Variants in SMIM18 observed in about 807,000 individuals in gnomAD.
SMIM18 encodes small integral membrane protein 18.
A neutral mutation model predicts 5.9 loss-of-function variants in SMIM18; 4 were observed. The ratio of observed to expected loss-of-function variants is 0.68; its 90% CI spans 0.33 to 1.56. The LOEUF is 1.56. Among genes scored for constraint, SMIM18 ranks in the 40% most tolerant of loss-of-function variants. The pLI, the probability that SMIM18 is intolerant of heterozygous loss-of-function variation, is 0.06. For missense variants in SMIM18, 89 were observed against 109.7 expected, an observed-to-expected ratio of 0.81 and a Z score of 0.84; for synonymous variants, 37 against 37.4, an observed-to-expected ratio of 0.99 and a Z score of 0.04.
chr8:30,643,942 T>C (rs1237295770), intron 1 of SMIM18: 1 of 152,310 alleles, frequency 6.6e-6, no homozygotes, highest in African/African-American at 2.4e-5. Flanking sequence ...TAAACATTTG[T>C]TATAAAAATA....
intron 1 of SMIM18, among the ~76,000 whole-genome samples, chr8:30,643,989 T>C (rs911244026): frequency 1.3e-5 from 2 of 152,228 alleles, no homozygotes; most frequent in Non-Finnish European, 2.9e-5. Context: ...AGGAAAAGCA[T>C]ACAGAATGAC....
chr8:30,638,584 G>A lies in SMIM18; in HGVS notation c.-166G>A, dbSNP rs1206949895. On this transcript the variant is annotated 5_prime_UTR_variant, in exon 1 of 3. Transcript: ENST00000517349. ...ACAGCTCCATCTTGGCTGTGCACTA[G>A]ACTGCATTACAAACAGACGATACCA... The A allele has an allele frequency of 6.6e-6, 1 of 152,578 alleles. No individual in the cohort carries two copies. Among genetic ancestry groups the A allele is most frequent in the African/African-American group, 2.4e-5 (1 of 41,414 alleles). The allele number at this position is 152,578 out of a possible 1,614,324, so 9.5% of individuals were successfully genotyped here.
At chr8:30,644,181 C>G (rs1407380641) in intron 1 of SMIM18, among the ~76,000 whole-genome samples, 2 of 152,170 alleles carry the variant, frequency 1.3e-5, no homozygotes, top group Non-Finnish European at 2.9e-5. Flanking sequence ...TTGATTCTAA[C>G]AGTCCCCATT....
chr8:30,643,230 TCACCATTGGGAGATATATATTGAA>T (rs1474627592), intron 1 of SMIM18, among the ~76,000 whole-genome samples: 1 of 152,210 alleles, frequency 6.6e-6, no homozygotes, highest in African/African-American at 2.4e-5. Flanking sequence ...AATAGAGTCC[TCACCATTGGGAGATATATATTGAA>T]ATATTTCTAG....
At chr8:30,642,847 T>G (rs1801899906) in intron 1 of SMIM18, among the ~76,000 whole-genome samples, 1 of 152,218 alleles carries the variant, frequency 6.6e-6, no homozygotes, top group Non-Finnish European at 1.5e-5. Context: ...CTGAATTTAG[T>G]TATGTATCTG....
At position 30,645,368 on chromosome 8, in the gene SMIM18, A is replaced by C. The variant is rs1448040490; in HGVS notation, c.59A>C (p.Gln20Pro). 3 of 1,535,602 alleles carry C rather than the reference A, an allele frequency of 2.0e-6. No individual in the cohort carries two copies. The highest frequency in any genetic ancestry group is 1.4e-5 in the African/African-American group (1 of 73,070). Residue 20 changes from glutamine (Q) to proline (P), a missense_variant, in exon 3 of 3, where the codon CAA becomes CCA. Gln to Pro is a moderately conservative substitution (Grantham distance 76). Coordinates refer to ENST00000517349, the MANE Select transcript of SMIM18 (RefSeq NM_001206847.2). Reference protein sequence around the residue: ...TTSVYQYLGFQVQKIYPFHDN... With the variant: ...TTSVYQYLGFPVQKIYPFHDN... ...TCTGTTTATCAGTACCTTGGTTTTCAAGTTCAAAAAATTTACCCTTTCCAT... is the reference window on the plus strand; with the variant it reads ...TCTGTTTATCAGTACCTTGGTTTTCCAGTTCAAAAAATTTACCCTTTCCAT...
chr8:30,640,571 ATTGTTTTACCTTT>A (rs1304381817), intron 1 of SMIM18, among the ~76,000 whole-genome samples: 5 of 152,142 alleles, frequency 3.3e-5, no homozygotes, highest in African/African-American at 1.2e-4. Flanking sequence ...CCAGAAAAAG[ATTGTTTTACCTTT>A]TTTTATATAC....
At chr8:30,643,397 GC>G (rs1314959842) in intron 1 of SMIM18, 4 of 152,232 alleles carry the variant, frequency 2.6e-5, no homozygotes, top group Middle Eastern at 3.2e-3. Context: ...AGTGGCTCAC[GC>G]CTGTAATCCC....
intron 1 of SMIM18, among the ~76,000 whole-genome samples, chr8:30,639,045 C>T (rs535467491): frequency 6.6e-6 from 1 of 152,260 alleles, no homozygotes; most frequent in African/African-American, 2.4e-5. Context: ...CAGACTAAAG[C>T]TTTCTGATTC....
intron 2 of SMIM18, among the ~76,000 whole-genome samples, chr8:30,644,803 T>C (rs1802004311): frequency 6.6e-6 from 1 of 151,562 alleles, no homozygotes; most frequent in African/African-American, 2.4e-5. Context: ...CAGGCTAGAA[T>C]GCAGTGGCAC....
chr8:30,644,698 A>G (rs1801996807), intron 2 of SMIM18, 126 bp downstream of exon 2: 1 of 152,176 alleles, frequency 6.6e-6, no homozygotes, highest in Non-Finnish European at 1.5e-5. Context: ...CAAGTTTTAA[A>G]CCAATTCAGC....
intron 1 of SMIM18, among the ~76,000 whole-genome samples, chr8:30,639,197 A>T (rs1002571099): frequency 6.6e-6 from 1 of 152,194 alleles, no homozygotes; most frequent in African/African-American, 2.4e-5. Flanking sequence ...AATTATCACA[A>T]TTTTAATTTT....
chr8:30,645,208 A>G (rs184182052), intron 2 of SMIM18, 73 bp from the exon 3 acceptor site: 212 of 1,227,910 alleles, frequency 1.7e-4, no homozygotes, highest in Non-Finnish European at 2.2e-4. Context: ...TTTACTAAGA[A>G]ATCTTAGTAC....
rs1228965035 is a variant in SMIM18, at chr8:30,643,375, G to A, written c.-110-1117G>A. On this transcript the variant is annotated intron_variant, in intron 1 of 2. Transcript: ENST00000517349. ...ATGAAGTTGCATTATAAGTACATGG[G>A]AGGCCAGGCGCAGTGGCTCACGCCT... 2 of 152,256 alleles carry A rather than the reference G, an allele frequency of 1.3e-5. 1 individual carries two copies. 9.4% of individuals were successfully genotyped at this position (152,256 alleles called of 1,614,324 possible).
intron 1 of SMIM18, among the ~76,000 whole-genome samples, chr8:30,641,213 A>G (rs2128726037): frequency 6.6e-6 from 1 of 152,320 alleles, no homozygotes; most frequent in South Asian, 2.1e-4. Flanking sequence ...TCGGTTATCA[A>G]TACACTCACA....
Position 30,645,668 on chromosome 8 carries a change from G to A in SMIM18, c.*71G>A, listed in dbSNP as rs570711026. 7 of 1,400,870 alleles carry A rather than the reference G, an allele frequency of 5.0e-6. No individual in the cohort carries two copies. In the South Asian group the frequency reaches 5.7e-5, roughly 11 times the overall value. The allele number at this position is 1,400,870 out of a possible 1,614,324, so 86.8% of individuals were successfully genotyped here. A position where few individuals can be genotyped will look rare whatever the true frequency, so the allele number is the denominator to read the frequency against. On this transcript the variant is annotated 3_prime_UTR_variant, in exon 3 of 3. Transcript: ENST00000517349. ...TTCTGAGAAAAAAAATATATTCTGA[G>A]GCCAACTGTTGCTACAAAACAAATT...
In SMIM18 at chr8:30,645,614, A is replaced by G. The variant is rs1420339461; in HGVS notation, c.*17A>G. 1.4e-5 allele frequency: 21 copies of G among 1,517,912 alleles called. No individual in the cohort carries two copies. Among genetic ancestry groups the G allele is most frequent in the Non-Finnish European group, 1.8e-5 (20 of 1,138,348 alleles). 94.0% of individuals were successfully genotyped at this position (1,517,912 alleles called of 1,614,324 possible). A position where few individuals can be genotyped will look rare whatever the true frequency, so the allele number is the denominator to read the frequency against. On this transcript the variant is annotated 3_prime_UTR_variant, in exon 3 of 3. Coordinates refer to ENST00000517349, the MANE Select transcript of SMIM18 (RefSeq NM_001206847.2). The stretch of plus-strand genomic sequence containing the variant: ...GTGGTCTAACACTCTATAGAAGATG[A>G]ACAAAATCTCTGAAAGCAGCTCAAC...
Position 30,645,359 on chromosome 8 carries a change from T to C in SMIM18, c.50T>C (p.Leu17Pro), listed in dbSNP as rs1219474559. Reference sequence around the variant, plus strand: ...ACCACTACCTCTGTTTATCAGTACCTTGGTTTTCAAGTTCAAAAAATTTAC... The same window carrying C: ...ACCACTACCTCTGTTTATCAGTACCCTGGTTTTCAAGTTCAAAAAATTTAC... ...NETTTSVYQYLGFQVQKIYPF... is the reference protein window; with the variant it reads ...NETTTSVYQYPGFQVQKIYPF... Residue 17 changes from leucine to proline, a missense_variant, in exon 3 of 3, where the codon CTT (leucine) becomes CCT (proline). Transcript: ENST00000517349. 1.8e-5 allele frequency: 27 copies of C among 1,535,584 alleles called. No homozygotes were observed. Among genetic ancestry groups the C allele is most frequent in the African/African-American group, 2.7e-5 (2 of 73,060 alleles).
chr8:30,645,650 A>G lies in SMIM18; in HGVS notation c.*53A>G, dbSNP rs1802047474. ...TGAAAGCAGCTCAACCTCTTCTGAG[A>G]AAAAAAATATATTCTGAGGCCAACT... is the stretch of plus-strand genomic sequence containing the variant. On this transcript the variant is annotated 3_prime_UTR_variant, in exon 3 of 3. Transcript: ENST00000517349. 2 of 1,434,052 alleles carry G rather than the reference A, an allele frequency of 1.4e-6. No individual in the cohort carries two copies. The highest frequency in any genetic ancestry group is 2.9e-5 in the African/African-American group (2 of 69,674). The allele number at this position is 1,434,052 out of a possible 1,614,324, so 88.8% of individuals were successfully genotyped here. A position where few individuals can be genotyped will look rare whatever the true frequency, so the allele number is the denominator to read the frequency against.
Sources: gnomAD v4.1 joint callset for allele counts (sites outside exome capture counted in the v4.1 genomes callset) on GRCh38, gnomAD v4.1.1 for gene constraint, MANE v1.5 for transcripts, NCBI Gene and HGNC (gene_info 2026-07-23, HGNC 2026-07-21) for gene names.